Variants in XKR3 observed in about 807,000 individuals in gnomAD.
The protein encoded by XKR3 is XK related 3, also known as XK-related protein 3.
Under a neutral mutation model 40.3 loss-of-function variants are expected in XKR3, and 27 were observed. That is an observed-to-expected ratio of 0.67 (90% CI 0.49 to 0.92). The LOEUF is 0.92. Among genes scored for constraint, XKR3 ranks in the 40% least tolerant of loss-of-function variants. XKR3 has a pLI of 0.00. For synonymous variants in XKR3, 193 were observed against 195.4 expected, an observed-to-expected ratio of 0.99 and a Z score of 0.10; for missense variants, 472 against 537.6, an observed-to-expected ratio of 0.88 and a Z score of 1.21.
chr22:16,822,682 G>C (rs1318996892), intron 1 of XKR3, among the ~76,000 whole-genome samples: 1 of 152,156 alleles, frequency 6.6e-6, no homozygotes, highest in African/African-American at 2.4e-5. Flanking sequence ...ATCAGACAAA[G>C]TAGAGCAAAA....
intron 1 of XKR3, among the ~76,000 whole-genome samples, chr22:16,815,980 T>G (rs927196738): frequency 6.6e-6 from 1 of 151,944 alleles, no homozygotes; most frequent in Non-Finnish European, 1.5e-5. Flanking sequence ...TTTCTAAAAT[T>G]CTCTTCTGTC....
intron 3 of XKR3, among the ~76,000 whole-genome samples, chr22:16,792,985 C>A (rs1227087464): frequency 6.6e-6 from 1 of 152,090 alleles, no homozygotes; most frequent in South Asian, 2.1e-4. Flanking sequence ...TGTCTACATT[C>A]CTGCTGACTA....
chr22:16,820,280 A>G (rs1168586142), intron 1 of XKR3, among the ~76,000 whole-genome samples: 1 of 152,184 alleles, frequency 6.6e-6, no homozygotes, highest in Non-Finnish European at 1.5e-5. Flanking sequence ...TGGTACATTT[A>G]TACCATGGGT....
intron 3 of XKR3, among the ~76,000 whole-genome samples, chr22:16,790,830 G>A (rs1195655544): frequency 1.3e-5 from 2 of 151,148 alleles, no homozygotes; most frequent in Non-Finnish European, 2.9e-5. Context: ...AAACCTGTAT[G>A]AGACTTCACC....
intron 2 of XKR3, among the ~76,000 whole-genome samples, chr22:16,803,497 A>T (rs1361416080): frequency 6.6e-6 from 1 of 152,222 alleles, no homozygotes; most frequent in African/African-American, 2.4e-5. Context: ...TATTTAAAGC[A>T]TTCTAAGTTA....
chr22:16,804,909 T>C (rs2060183518), intron 2 of XKR3, among the ~76,000 whole-genome samples: 1 of 152,208 alleles, frequency 6.6e-6, no homozygotes, highest in South Asian at 2.1e-4. Context: ...GGGAACAGTA[T>C]CATAGCCCAC....
At chr22:16,816,518 A>G (rs983837476) in intron 1 of XKR3, among the ~76,000 whole-genome samples, 1 of 151,848 alleles carries the variant, frequency 6.6e-6, no homozygotes, top group Non-Finnish European at 1.5e-5. Context: ...CCCACAAAAA[A>G]AAACCCACAC....
intron 2 of XKR3, among the ~76,000 whole-genome samples, chr22:16,804,863 C>G (rs1396564760): frequency 1.3e-5 from 2 of 152,106 alleles, no homozygotes; most frequent in Non-Finnish European, 2.9e-5. Flanking sequence ...CACGCTGTAC[C>G]CTGACCACAT....
intron 3 of XKR3, among the ~76,000 whole-genome samples, chr22:16,792,698 C>T (rs994933507): frequency 1.3e-5 from 2 of 152,088 alleles, no homozygotes; most frequent in Non-Finnish European, 2.9e-5. Context: ...TCCCTTGTTA[C>T]GAAAGAATTT....
chr22:16,783,973 GC>G lies in XKR3; in HGVS notation c.1025del (p.Gly342AlafsTer12). On this transcript the variant is annotated frameshift_variant, in exon 4 of 4. Coordinates refer to ENST00000684488, the MANE Select transcript of XKR3 (RefSeq NM_001386955.1). LOFTEE classifies it high-confidence loss of function. ...GAAAGCTGTAGTGTAGGATTCTATG[GC>G]CCCACCTCTGTCTCCCGTCAATTAT... is the stretch of plus-strand genomic sequence containing the variant. The part of the protein sequence containing the change: ...DKIIDGRQRW[G>X]HRILHYSFQF... 6.2e-7 allele frequency: 1 copy of G among 1,614,128 alleles called. No homozygotes were observed. The highest frequency in any genetic ancestry group is 8.5e-7 in the Non-Finnish European group (1 of 1,180,030).
chr22:16,786,664 A>G (rs2060092128), intron 3 of XKR3, among the ~76,000 whole-genome samples: 4 of 152,212 alleles, frequency 2.6e-5, no homozygotes, highest in Admixed American at 2.6e-4. Flanking sequence ...ATCAAAGTCT[A>G]GGCATTAGGA....
At chr22:16,814,217 G>T (rs1277509738) in intron 1 of XKR3, among the ~76,000 whole-genome samples, 3 of 152,186 alleles carry the variant, frequency 2.0e-5, no homozygotes, top group Admixed American at 6.5e-5. Context: ...TGTGGTAAAA[G>T]ACAGGGTTCC....
chr22:16,802,987 A>G (rs1416078170), intron 2 of XKR3, among the ~76,000 whole-genome samples: 1 of 152,184 alleles, frequency 6.6e-6, no homozygotes. Flanking sequence ...AACCTTGTGG[A>G]GATCGTGGAG....
In XKR3 at chr22:16,815,194, C is replaced by T. The variant is rs558569340; in HGVS notation, c.-10-7111G>A. On this transcript the variant is annotated intron_variant, in intron 1 of 3. Transcript: ENST00000684488. ...GTGTTGGATTTTATAAAATATTTTA[C>T]CACATCTGTTGAGATTGTCATATGG... 7.2e-5 allele frequency among the ~76,000 whole-genome samples: 11 copies of T among 152,114 alleles called. No individual in the cohort carries two copies. The South Asian group carries it at 2.3e-3, about 31-fold the overall frequency.
intron 2 of XKR3, among the ~76,000 whole-genome samples, chr22:16,800,725 T>A (rs1032455984): frequency 2.0e-5 from 3 of 152,170 alleles, no homozygotes; most frequent in African/African-American, 7.2e-5. Context: ...AATAAGCAGA[T>A]CTTTATAAAA....
At chr22:16,810,974 T>C (rs987492138) in intron 1 of XKR3, among the ~76,000 whole-genome samples, 16 of 152,202 alleles carry the variant, frequency 1.1e-4, no homozygotes, top group Non-Finnish European at 2.2e-4. Flanking sequence ...TAAAAGTCAC[T>C]AGTTGTTGTC....
intron 1 of XKR3, among the ~76,000 whole-genome samples, chr22:16,822,916 C>G (rs1341543517): frequency 6.6e-6 from 1 of 152,060 alleles, no homozygotes; most frequent in Non-Finnish European, 1.5e-5. Context: ...CATGATCTGC[C>G]CTTGTCACCC....
At chr22:16,797,348 C>T (rs977081559) in intron 3 of XKR3, among the ~76,000 whole-genome samples, 170 of 152,150 alleles carry the variant, frequency 1.1e-3, no homozygotes, top group African/African-American at 3.8e-3. Context: ...AAAGGTTTTC[C>T]GCACAGCAAA....
chr22:16,813,108 C>A (rs889922566), intron 1 of XKR3, among the ~76,000 whole-genome samples: 1 of 152,018 alleles, frequency 6.6e-6, no homozygotes, highest in Admixed American at 6.6e-5. Flanking sequence ...CACGGTGAAA[C>A]CCCGTCTCTA....
Sources: gnomAD v4.1 joint callset for allele counts (sites outside exome capture counted in the v4.1 genomes callset) on GRCh38, gnomAD v4.1.1 for gene constraint, MANE v1.5 for transcripts, NCBI Gene and HGNC (gene_info 2026-07-23, HGNC 2026-07-21) for gene names.